Variants in CDV3 observed in about 807,000 individuals in gnomAD.
CDV3 encodes CDV3 homolog.
A neutral mutation model predicts 24.5 loss-of-function variants in CDV3; 14 were observed. The observed-to-expected ratio is 0.57, with a 90% confidence interval of 0.38 to 0.89. The LOEUF (loss-of-function observed/expected upper bound fraction) is 0.89, where lower values mean the gene tolerates loss of function less well. CDV3 is among the 40% of genes least tolerant of loss of function. The pLI is 0.00. For missense variants in CDV3, 304 were observed against 310.2 expected (o/e 0.98, Z 0.15); for synonymous variants, 114 against 114.1 (o/e 1.00, Z 0.00).
At chr3:133,583,157 T>G (rs1039204350) in intron 2 of CDV3, among the ~76,000 whole-genome samples, 12 of 152,198 alleles carry the variant, frequency 7.9e-5, no homozygotes, top group Admixed American at 3.3e-4. Flanking sequence ...GACTGAGATC[T>G]TATATATTTT....
At position 133,573,956 on chromosome 3, in the gene CDV3, G is replaced by C. The variant is rs1232865744; in HGVS notation, c.-89G>C. 1.0e-6 allele frequency: 1 copy of C among 983,712 alleles called. No individual in the cohort carries two copies. The highest frequency in any genetic ancestry group is 1.2e-6 in the Non-Finnish European group (1 of 826,594). 60.9% of individuals were successfully genotyped at this position (983,712 alleles called of 1,614,324 possible). ...GGCGTCGCCGCGCCCGGCAGCGTGA[G>C]CGCAGAGCCGGCCTCGACCCCGAGC... On this transcript the variant is annotated 5_prime_UTR_variant, in exon 1 of 5. Transcript: ENST00000264993.
chr3:133,585,664 CT>C (rs555466055), intron 3 of CDV3, among the ~76,000 whole-genome samples: 203 of 151,736 alleles, frequency 1.3e-3, no homozygotes, highest in African/African-American at 4.4e-3. Context: ...CCCGCTACAT[CT>C]TTGTATTTTT....
chr3:133,574,648 G>C lies in CDV3; in HGVS notation c.240+364G>C, dbSNP rs201223593. The C allele has an allele frequency of 2.5e-5, 26 of 1,031,226 alleles. No individual in the cohort carries two copies. The East Asian group carries it at 1.5e-3, about 59-fold the overall frequency. The allele number at this position is 1,031,226 out of a possible 1,614,324, so 63.9% of individuals were successfully genotyped here. On this transcript the variant is annotated intron_variant, in intron 1 of 4. Coordinates refer to ENST00000264993, the MANE Select transcript of CDV3 (RefSeq NM_017548.5). ...TGACCTCAGCCCAGTAGTTTGAGCT[G>C]AATTTTCGCTTTCAGCAGCCGCATT...
At chr3:133,578,537 G>A (rs748167646) in intron 2 of CDV3, among the ~76,000 whole-genome samples, 2 of 152,198 alleles carry the variant, frequency 1.3e-5, no homozygotes, top group Non-Finnish European at 2.9e-5. Flanking sequence ...AAGTCATGCT[G>A]TAATAGACAA....
chr3:133,583,140 AG>A (rs1384281894), intron 2 of CDV3, among the ~76,000 whole-genome samples: 2 of 152,334 alleles, frequency 1.3e-5, no homozygotes, highest in East Asian at 3.9e-4. Context: ...ACATCTGGAA[AG>A]CCAAAGACTG....
intron 2 of CDV3, among the ~76,000 whole-genome samples, chr3:133,579,959 A>G (rs970828926): frequency 1.3e-5 from 2 of 152,192 alleles, no homozygotes; most frequent in African/African-American, 2.4e-5. Context: ...ATCTTAACCC[A>G]AAATACTTAT....
At chr3:133,587,725 TG>T in intron 4 of CDV3, 170 bp from the exon 5 acceptor site, 1 of 1,400,040 alleles carries the variant, frequency 7.1e-7, no homozygotes, top group Non-Finnish European at 9.3e-7. Context: ...CTGTGTTTTC[TG>T]TTTGAATTGA....
intron 3 of CDV3, 116 bp downstream of exon 3, chr3:133,584,266 A>G (rs1559788617): frequency 1.4e-6 from 1 of 705,126 alleles, no homozygotes; most frequent in South Asian, 2.0e-5. Context: ...GCTCCTTTCC[A>G]TTCCTGGTAG....
intron 3 of CDV3, 143 bp downstream of exon 3, chr3:133,584,293 AT>A (rs1304383784): frequency 4.6e-5 from 26 of 568,534 alleles, no homozygotes; most frequent in Middle Eastern, 4.7e-4. Flanking sequence ...ATGTGTATAT[AT>A]CTTGTTAAAG....
At chr3:133,574,632 C>G in intron 1 of CDV3, 1 of 1,024,500 alleles carries the variant, frequency 9.8e-7, no homozygotes, top group Non-Finnish European at 1.2e-6. Context: ...CTGACCTCAG[C>G]CCAGTAGTTT....
intron 4 of CDV3, chr3:133,587,662 A>G: frequency 8.3e-7 from 1 of 1,210,452 alleles, no homozygotes; most frequent in African/African-American, 1.6e-5. Flanking sequence ...AAATAGGGTC[A>G]CAGTTAATAC....
chr3:133,574,851 T>A, intron 1 of CDV3, 188 bp from the exon 2 acceptor site: 1 of 735,104 alleles, frequency 1.4e-6, no homozygotes, highest in South Asian at 2.4e-5. Context: ...AGTATAGTGT[T>A]AGCCTACGAG....
chr3:133,583,723 T>C lies in CDV3; in HGVS notation c.318-279T>C, dbSNP rs773143687. Among the ~76,000 whole-genome samples the C allele has an allele frequency of 8.5e-5, 13 of 152,270 alleles. 1 individual carries two copies. Among genetic ancestry groups the C allele is most frequent in the Middle Eastern group, 3.4e-3 (1 of 292 alleles). On this transcript the variant is annotated intron_variant, in intron 2 of 4. Coordinates refer to ENST00000264993, the MANE Select transcript of CDV3 (RefSeq NM_017548.5). ...CATTGTAGGTGTGTGCCCCCATGCC[T>C]GGCTCATTTTTGTATTTTTAGTACA...
chr3:133,587,809 G>T, intron 4 of CDV3, 87 bp from the exon 5 acceptor site: 1 of 1,512,932 alleles, frequency 6.6e-7, no homozygotes, highest in Non-Finnish European at 8.8e-7. Flanking sequence ...CTTCTAAGGG[G>T]TGGCTTTTTT....
intron 2 of CDV3, among the ~76,000 whole-genome samples, chr3:133,582,293 C>T (rs922925515): frequency 6.6e-5 from 10 of 152,078 alleles, no homozygotes; most frequent in South Asian, 2.1e-4. Flanking sequence ...AGTAGCTAAC[C>T]GGCATGTGTC....
In CDV3 at chr3:133,588,428, T is replaced by G; in HGVS notation, c.*382T>G. The stretch of plus-strand genomic sequence containing the variant: ...TGGACTTCATGTGGATCACAACTTC[T>G]GGATAAGAAGATTACAACTATTAAG... On this transcript the variant is annotated 3_prime_UTR_variant, in exon 5 of 5. Transcript: ENST00000264993. The G allele has an allele frequency of 6.9e-7, 1 of 1,448,798 alleles. No homozygotes were observed. The highest frequency in any genetic ancestry group is 2.5e-5 in the East Asian group (1 of 40,474). The allele number at this position is 1,448,798 out of a possible 1,614,324, so 89.7% of individuals were successfully genotyped here.
intron 1 of CDV3, chr3:133,574,794 T>G: frequency 2.0e-6 from 2 of 1,011,690 alleles, no homozygotes; most frequent in East Asian, 4.2e-5. Context: ...TCCTTCGGCT[T>G]TTCTTAGTTG....
intron 2 of CDV3, among the ~76,000 whole-genome samples, chr3:133,582,935 C>T (rs1933195746): frequency 1.3e-5 from 2 of 152,176 alleles, no homozygotes; most frequent in Non-Finnish European, 2.9e-5. Context: ...GATAAATACA[C>T]TTGGTAATTT....
intron 1 of CDV3, chr3:133,574,553 T>C (rs2074728532): frequency 1.0e-6 from 1 of 985,970 alleles, no homozygotes; most frequent in African/African-American, 1.7e-5. Context: ...GGGCACTAGG[T>C]CTGGGGCCGC....
Sources: allele counts gnomAD v4.1 joint callset (sites outside exome capture counted in the v4.1 genomes callset), GRCh38; gene constraint gnomAD v4.1.1; transcripts MANE v1.5; gene names NCBI Gene and HGNC (gene_info 2026-07-23, HGNC 2026-07-21).